Variants in NPDC1 observed in about 807,000 individuals in gnomAD.
The protein encoded by NPDC1 is neural proliferation, differentiation and control 1.
Under a neutral mutation model 32.5 loss-of-function variants are expected in NPDC1, and 18 were observed. The ratio of observed to expected loss-of-function variants is 0.55; its 90% CI spans 0.38 to 0.82. The LOEUF (loss-of-function observed/expected upper bound fraction) is 0.82, where lower values mean the gene tolerates loss of function less well. NPDC1 is among the 40% of genes least tolerant of loss of function. The probability of loss-of-function intolerance (pLI) is 0.00; values close to 1 mark genes in which losing one functional copy is unlikely to be tolerated. For synonymous variants in NPDC1, 210 were observed against 184.7 expected (o/e 1.14, Z -1.11); for missense variants, 468 against 406.6 (o/e 1.15, Z -1.30).
intron 7 of NPDC1, 123 bp from the exon 8 acceptor site, chr9:137,040,190 T>C (rs1234886724): frequency 5.6e-6 from 4 of 711,304 alleles, no homozygotes; most frequent in Non-Finnish European, 9.8e-6. Flanking sequence ...CAGGGTGAAG[T>C]TGGCCAGGGG....
At chr9:137,042,312 GGC>G (rs1229005562) in intron 2 of NPDC1, among the ~76,000 whole-genome samples, 5 of 152,050 alleles carry the variant, frequency 3.3e-5, no homozygotes, top group East Asian at 1.9e-4. Context: ...GGAGTGCAGT[GGC>G]GCGATCTCGG....
At chr9:137,045,807 G>C in intron 1 of NPDC1, 71 bp downstream of exon 1, 1 of 944,314 alleles carries the variant, frequency 1.1e-6, no homozygotes, top group Non-Finnish European at 1.3e-6. Flanking sequence ...GCGGCGCCCG[G>C]CAACCCGGTC....
At chr9:137,043,166 AC>A (rs1462052019) in intron 1 of NPDC1, 93 bp from the exon 2 acceptor site, 6 of 1,403,768 alleles carry the variant, frequency 4.3e-6, no homozygotes, top group African/African-American at 3.1e-5. Context: ...CGCCCCCGTC[AC>A]CCCCCGAGCT....
In NPDC1 at chr9:137,040,801, G is replaced by T. The variant is rs778559755; in HGVS notation, c.556+13C>A. On this transcript the variant is annotated intron_variant, in intron 4 of 8. Coordinates refer to ENST00000371601, the MANE Select transcript of NPDC1 (RefSeq NM_015392.4). The stretch of plus-strand genomic sequence containing the variant: ...CGCCCTGCTGCCCCTGCCCACCCCC[G>T]ACCAAGACCTACCAAGGGCGAGGCC... 2 of 1,589,152 alleles carry T rather than the reference G, an allele frequency of 1.3e-6. No homozygotes were observed. The highest frequency in any genetic ancestry group is 2.3e-5 in the East Asian group (1 of 44,230).
At chr9:137,041,822 G>A (rs1832060665) in intron 2 of NPDC1, among the ~76,000 whole-genome samples, 1 of 152,236 alleles carries the variant, frequency 6.6e-6, no homozygotes, top group Admixed American at 6.5e-5. Flanking sequence ...CACCACACCT[G>A]AAGTCACTCA....
At position 137,039,610 on chromosome 9, in the gene NPDC1, A is replaced by G; in HGVS notation, c.*162T>C. On this transcript the variant is annotated 3_prime_UTR_variant, in exon 9 of 9. Transcript: ENST00000371601. Reference sequence around the variant, plus strand: ...GGGACCAGGAGGTGTCCTGGCACAAAGGTTCGGGGGTCTCCCTGGCAAGGG... The same window carrying G: ...GGGACCAGGAGGTGTCCTGGCACAAGGGTTCGGGGGTCTCCCTGGCAAGGG... 1.7e-6 allele frequency: 1 copy of G among 585,056 alleles called. No homozygotes were observed. The highest frequency in any genetic ancestry group is 3.0e-6 in the Non-Finnish European group (1 of 329,374). 36.2% of individuals were successfully genotyped at this position (585,056 alleles called of 1,614,324 possible).
At position 137,045,973 on chromosome 9, in the gene NPDC1, G is replaced by A. The variant is rs1832124321; in HGVS notation, c.17C>T (p.Pro6Leu). Residue 6 changes from proline (P) to leucine (L), a missense_variant, in exon 1 of 9, where the codon CCT becomes CTT. Pro to Leu is a moderately conservative substitution (Grantham distance 98). Transcript: ENST00000371601. MATPL[P>L]PPSPRHLRLL... ...CCGCAGGTGCCGCGGGGAGGGCGGA[G>A]GCAGCGGCGTCGCCATCCTTCAGCG... 2.5e-6 allele frequency: 3 copies of A among 1,192,660 alleles called. No individual in the cohort carries two copies. In the South Asian group the frequency reaches 1.2e-4, roughly 50 times the overall value. 73.9% of individuals were successfully genotyped at this position (1,192,660 alleles called of 1,614,324 possible).
Position 137,045,867 on chromosome 9 carries a change from C to T in NPDC1, c.112+11G>A. 1.4e-5 allele frequency: 15 copies of T among 1,036,242 alleles called. No homozygotes were observed. Among genetic ancestry groups the T allele is most frequent in the Non-Finnish European group, 1.6e-5 (14 of 864,662 alleles). The allele number at this position is 1,036,242 out of a possible 1,614,324, so 64.2% of individuals were successfully genotyped here. A position where few individuals can be genotyped will look rare whatever the true frequency, so the allele number is the denominator to read the frequency against. ...GGCGCCCCGCGGCCTGCGCCCAGCG[C>T]GCTCGCTCACCCGGGTGGCCGGCGG... On this transcript the variant is annotated intron_variant, in intron 1 of 8. Coordinates refer to ENST00000371601, the MANE Select transcript of NPDC1 (RefSeq NM_015392.4).
intron 3 of NPDC1, 22 bp downstream of exon 3, chr9:137,041,040 G>T (rs773954188): frequency 3.3e-6 from 5 of 1,519,468 alleles, no homozygotes; most frequent in Non-Finnish European, 4.4e-6. Flanking sequence ...GGGCCGTGGG[G>T]CAGGGGAAGC....
chr9:137,040,973 A>G lies in NPDC1; in HGVS notation c.397T>C (p.Phe133Leu), dbSNP rs543083272. The G allele has an allele frequency of 2.6e-6, 4 of 1,539,700 alleles. No individual in the cohort carries two copies. In the Admixed American group the frequency reaches 8.5e-5, roughly 33 times the overall value. ...TCCAGCCCCTGCCCCCGTGCCGAGA[A>G]GCCCAGGGTGGCTGCGAGAGAGGAC... Reference protein sequence around the residue: ...QRLPEPATLGFSARGQGLELG... With the variant: ...QRLPEPATLGLSARGQGLELG... The change falls in exon 4 of 9, where the codon TTC becomes CTC. Residue 133 changes from phenylalanine to leucine, a missense_variant. Phe to Leu is a conservative substitution (Grantham distance 22). Coordinates refer to ENST00000371601, the MANE Select transcript of NPDC1 (RefSeq NM_015392.4).
chr9:137,041,143 G>C lies in NPDC1; in HGVS notation c.304C>G (p.Leu102Val). The change falls in exon 3 of 9, where the codon CTG becomes GTG. Residue 102 changes from leucine (L) to valine (V), a missense_variant. Transcript: ENST00000371601. The part of the protein sequence containing the change: ...QPRLEDEIDF[L>V]AQELARKESG... ...TCCTTCCGGGCAAGCTCCTGGGCCAGGAAGTCAATCTCATCTTCCAGTCTG... is the reference window on the plus strand; with the variant it reads ...TCCTTCCGGGCAAGCTCCTGGGCCACGAAGTCAATCTCATCTTCCAGTCTG... The C allele has an allele frequency of 6.7e-7, 1 of 1,497,996 alleles. No homozygotes were observed. Among genetic ancestry groups the C allele is most frequent in the East Asian group, 2.4e-5 (1 of 41,860 alleles). 92.8% of individuals were successfully genotyped at this position (1,497,996 alleles called of 1,614,324 possible).
rs763025283 is a variant in NPDC1, at chr9:137,040,826, C to T, written c.544G>A (p.Gly182Ser). 1.1e-5 allele frequency: 17 copies of T among 1,594,400 alleles called. No homozygotes were observed. The highest frequency in any genetic ancestry group is 2.3e-5 in the East Asian group (1 of 44,406). The change falls in exon 4 of 9, where the codon GGC (glycine) becomes AGC (serine). Residue 182 changes from glycine (G) to serine (S), a missense_variant. Physicochemically the swap from Gly to Ser is moderately conservative, Grantham distance 56. Coordinates refer to ENST00000371601, the MANE Select transcript of NPDC1 (RefSeq NM_015392.4). Reference protein sequence around the residue: ...PLEPRGGQGDGLALVLILAFC... With the variant: ...PLEPRGGQGDSLALVLILAFC... ...GACCAAGACCTACCAAGGGCGAGGCCGTCGCCTTGCCCTCCCCGGGGCTCC... is the reference window on the plus strand; with the variant it reads ...GACCAAGACCTACCAAGGGCGAGGCTGTCGCCTTGCCCTCCCCGGGGCTCC...
chr9:137,040,254 G>A, intron 7 of NPDC1, 103 bp downstream of exon 7: 1 of 1,108,280 alleles, frequency 9.0e-7, no homozygotes, highest in Non-Finnish European at 1.3e-6. Flanking sequence ...AGGTGAGGGT[G>A]GCAGGGCCTG....
At position 137,045,883 on chromosome 9, in the gene NPDC1, T is replaced by C. The variant is rs1486081363; in HGVS notation, c.107A>G (p.His36Arg). Reference protein sequence around the residue: ...GAALRGAAAGHPDVAACPGSL... With the variant: ...GAALRGAAAGRPDVAACPGSL... ...CGCCCAGCGCGCTCGCTCACCCGGG[T>C]GGCCGGCGGCGGCTCCACGCAGGGC... Residue 36 changes from histidine (H) to arginine (R), a missense_variant, in exon 1 of 9, where the codon CAC (histidine) becomes CGC (arginine). His to Arg is a conservative substitution (Grantham distance 29, BLOSUM62 0). Transcript: ENST00000371601. 7.4e-6 allele frequency: 8 copies of C among 1,084,196 alleles called. 1 individual carries two copies. The South Asian group carries it at 2.6e-4, about 35-fold the overall frequency. 67.2% of individuals were successfully genotyped at this position (1,084,196 alleles called of 1,614,324 possible). A position where few individuals can be genotyped will look rare whatever the true frequency, so the allele number is the denominator to read the frequency against.
intron 1 of NPDC1, among the ~76,000 whole-genome samples, chr9:137,044,688 G>T (rs1399970430): frequency 6.6e-6 from 1 of 152,226 alleles, no homozygotes. Flanking sequence ...GCCCTGCCAG[G>T]TCTCCCGGTG....
chr9:137,041,388 G>A (rs1350425123), intron 2 of NPDC1, among the ~76,000 whole-genome samples: 2 of 152,202 alleles, frequency 1.3e-5, no homozygotes, highest in African/African-American at 4.8e-5. Context: ...TGGAGGCAGG[G>A]CAAGGGAGGA....
In NPDC1 at chr9:137,043,047, C is replaced by A. The variant is rs1253080424; in HGVS notation, c.139G>T (p.Asp47Tyr). 3 of 1,612,832 alleles carry A rather than the reference C, an allele frequency of 1.9e-6. No homozygotes were observed. The African/African-American group carries it at 4.0e-5, about 21-fold the overall frequency. The change falls in exon 2 of 9, where the codon GAC becomes TAC. Residue 47 changes from aspartate to tyrosine, a missense_variant. Coordinates refer to ENST00000371601, the MANE Select transcript of NPDC1 (RefSeq NM_015392.4). ...PDVAACPGSL[D>Y]CALKRRARCP... ...CTTGCCCGCCTCTTCAGGGCACAGTCCAGGCTCCCGGGACAGGCGGCTACA... is the reference window on the plus strand; with the variant it reads ...CTTGCCCGCCTCTTCAGGGCACAGTACAGGCTCCCGGGACAGGCGGCTACA...
At chr9:137,045,290 G>A (rs541444163) in intron 1 of NPDC1, among the ~76,000 whole-genome samples, 1 of 152,360 alleles carries the variant, frequency 6.6e-6, no homozygotes, top group East Asian at 1.9e-4. Context: ...GAGGCTCTGA[G>A]GCTGCAACAG....
rs1743169222 is a variant in NPDC1 at position 137,043,636 on chromosome 9, T to C, written c.113-563A>G. On this transcript the variant is annotated intron_variant, in intron 1 of 8. Coordinates refer to ENST00000371601, the MANE Select transcript of NPDC1 (RefSeq NM_015392.4). The stretch of plus-strand genomic sequence containing the variant: ...GGCACCGAGGACACCTAAGATGGAG[T>C]CTGCTGACCTCACTGGCCTCAGACA... 9 of 494,430 alleles carry C rather than the reference T, an allele frequency of 1.8e-5. 2 individuals are homozygous for C. The South Asian group carries it at 3.0e-4, about 16-fold the overall frequency. 30.6% of individuals were successfully genotyped at this position (494,430 alleles called of 1,614,324 possible). A position where few individuals can be genotyped will look rare whatever the true frequency, so the allele number is the denominator to read the frequency against.
Sources: gnomAD v4.1 joint callset for allele counts (sites outside exome capture counted in the v4.1 genomes callset) on GRCh38, gnomAD v4.1.1 for gene constraint, MANE v1.5 for transcripts, NCBI Gene and HGNC (gene_info 2026-07-23, HGNC 2026-07-21) for gene names.